NKD2: variants seen among roughly 807,000 people sequenced by gnomAD.
The protein encoded by NKD2 is NKD inhibitor of Wnt signaling pathway 2.
Under a neutral mutation model 34.8 loss-of-function variants are expected in NKD2, and 43 were observed. The ratio of observed to expected loss-of-function variants is 1.24; its 90% confidence interval spans 0.97 to 1.60. NKD2 has a LOEUF of 1.60. Ranked by LOEUF, NKD2 falls within the 40% of genes most tolerant of loss-of-function variation. The probability of loss-of-function intolerance (pLI) is 0.00; values close to 1 mark genes in which losing one functional copy is unlikely to be tolerated. For missense variants in NKD2, 675 were observed against 627.1 expected (o/e 1.08, Z -0.82); for synonymous variants, 278 against 265.1 (o/e 1.05, Z -0.47).
chr5:1,026,810 G>A (rs554113903), intron 3 of NKD2, among the ~76,000 whole-genome samples: 1 of 152,362 alleles, frequency 6.6e-6, no homozygotes, highest in East Asian at 1.9e-4. Context: ...CGTGGCCTTG[G>A]TCCTGCCCAG....
chr5:1,026,685 C>G (rs1445669048), intron 3 of NKD2, among the ~76,000 whole-genome samples: 1 of 152,248 alleles, frequency 6.6e-6, no homozygotes, highest in African/African-American at 2.4e-5. Flanking sequence ...CAGCTCCAGC[C>G]CGTGTGCCAT....
rs762643737 is a variant in NKD2 at position 1,033,437 on chromosome 5, G to A, written c.268G>A (p.Gly90Arg). ...HPGQLLSADD[G>R]ERAANREGPR... ...GGGACAACTCCTCAGCGCAGATGAC[G>A]GAGAGAGGGCAGCAAACCGCGAGGG... Residue 90 changes from glycine to arginine, a missense_variant, in exon 5 of 10, where the codon GGA (glycine) becomes AGA (arginine). Coordinates refer to ENST00000296849, the MANE Select transcript of NKD2 (RefSeq NM_033120.4). 1.2e-5 allele frequency: 19 copies of A among 1,579,230 alleles called. No homozygotes were observed. In the Middle Eastern group the frequency reaches 5.0e-4, roughly 41 times the overall value.
chr5:1,027,947 G>A (rs778346383), intron 3 of NKD2, among the ~76,000 whole-genome samples: 7 of 152,274 alleles, frequency 4.6e-5, no homozygotes, highest in Non-Finnish European at 7.3e-5. Context: ...CAGGGGTTCC[G>A]ACAGACGGGG....
chr5:1,009,480 G>T lies in NKD2; in HGVS notation c.62-1G>T. The T allele has an allele frequency of 6.7e-7, 1 of 1,498,480 alleles. No individual in the cohort carries two copies. Among genetic ancestry groups the T allele is most frequent in the Non-Finnish European group, 8.8e-7 (1 of 1,131,696 alleles). The allele number at this position is 1,498,480 out of a possible 1,614,324, so 92.8% of individuals were successfully genotyped here. ...CCCGCGCGTCCGCCCCCGGACCGCA[G>T]GGGACAGCTTCGTGGCGTCCGCGTA... On this transcript the variant is annotated splice_acceptor_variant, in intron 2 of 9. Coordinates refer to ENST00000296849, the MANE Select transcript of NKD2 (RefSeq NM_033120.4). LOFTEE classifies it high-confidence loss of function. The surrounding 1 kb of genome is among the most constrained non-coding windows in gnomAD (Gnocchi z 6.9).
rs762167655 is a variant in NKD2 at position 1,032,115 on chromosome 5, A to G, written c.142-37A>G. On this transcript the variant is annotated intron_variant, in intron 3 of 9. Transcript: ENST00000296849. ...GCCCATCTCCCCCGCCTGCCCACTG[A>G]GCTATGTGGCCACTGACTGCCCCGT... 19 of 1,576,754 alleles carry G rather than the reference A, an allele frequency of 1.2e-5. No homozygotes were observed. In the East Asian group the frequency reaches 3.8e-4, roughly 32 times the overall value.
intron 6 of NKD2, 34 bp from the exon 7 acceptor site, chr5:1,034,722 C>G: frequency 6.3e-7 from 1 of 1,598,040 alleles, no homozygotes; most frequent in Non-Finnish European, 8.6e-7. Context: ...CCCCTGGGGT[C>G]TGCTCTGTCA....
chr5:1,024,694 A>T (rs369362981), intron 3 of NKD2, among the ~76,000 whole-genome samples: 615 of 22,088 alleles, frequency 0.028, no homozygotes, highest in Non-Finnish European at 0.035. Context: ...GTCCCAGCCC[A>T]TTGTCCCTGC....
intron 3 of NKD2, among the ~76,000 whole-genome samples, chr5:1,011,303 G>T (rs1415175991): frequency 2.0e-5 from 3 of 152,202 alleles, no homozygotes; most frequent in East Asian, 1.9e-4. Context: ...GGGCCCAGGT[G>T]CGCCCTCACC....
At chr5:1,018,334 G>A (rs1006560299) in intron 3 of NKD2, among the ~76,000 whole-genome samples, 12 of 152,196 alleles carry the variant, frequency 7.9e-5, no homozygotes, top group South Asian at 2.1e-4. Flanking sequence ...CTCGGGCTCC[G>A]AGCCCCATCC....
rs189719382 is a variant in NKD2, at chr5:1,037,994, C to T, written c.977C>T (p.Pro326Leu). Residue 326 changes from proline (P) to leucine (L), a missense_variant, in exon 10 of 10, where the codon CCG becomes CTG. Pro to Leu is a moderately conservative substitution (Grantham distance 98, BLOSUM62 -3). Transcript: ENST00000296849. ...ALDTQPRPKG[P>L]EKQFLKSPKG... ...GACACGCAGCCCCGGCCGAAGGGGCCGGAGAAGCAGTTCCTCAAGTCCCCC... is the reference window on the plus strand; with the variant it reads ...GACACGCAGCCCCGGCCGAAGGGGCTGGAGAAGCAGTTCCTCAAGTCCCCC... 1.8e-4 allele frequency: 291 copies of T among 1,606,674 alleles called. 1 individual carries two copies. Among genetic ancestry groups the T allele is most frequent in the African/African-American group, 6.5e-4 (49 of 74,978 alleles).
In NKD2 at chr5:1,035,532, C is replaced by T. The variant is rs927820414; in HGVS notation, c.659+59C>T. 8.9e-6 allele frequency: 12 copies of T among 1,354,248 alleles called. No homozygotes were observed. The South Asian group carries it at 1.4e-4, about 16-fold the overall frequency. 83.9% of individuals were successfully genotyped at this position (1,354,248 alleles called of 1,614,324 possible). ...TTAGGCGGGGGCACCCTGGCCACAC[C>T]CCTGCTTCCCGCAGGCCACAGGCCA... On this transcript the variant is annotated intron_variant, in intron 8 of 9. Coordinates refer to ENST00000296849, the MANE Select transcript of NKD2 (RefSeq NM_033120.4).
At chr5:1,036,950 AGT>A (rs67132510) in intron 9 of NKD2, 182,229 of 409,284 alleles carry the variant, frequency 0.45, 40,130 homozygotes, top group East Asian at 0.55. Flanking sequence ...GCAGGCGGGC[AGT>A]GTGGACGGCG....
intron 3 of NKD2, among the ~76,000 whole-genome samples, chr5:1,026,670 A>C (rs909635123): frequency 9.9e-5 from 15 of 152,202 alleles, no homozygotes; most frequent in African/African-American, 3.4e-4. Context: ...TTTTCCTGAG[A>C]GGCCCAGCTC....
intron 3 of NKD2, among the ~76,000 whole-genome samples, chr5:1,025,984 A>C (rs1400467836): frequency 2.0e-5 from 2 of 98,294 alleles, no homozygotes; most frequent in African/African-American, 9.1e-5. Context: ...TGCTCTTCCC[A>C]CCCGCTAGTG....
Position 1,038,105 on chromosome 5 carries a change from C to A in NKD2, c.1088C>A (p.Pro363His). ...FSYYLPAVLP[P>H]QAPQDGHHLP... Reference sequence around the variant, plus strand: ...TACTACCTGCCGGCCGTCCTGCCGCCCCAGGCCCCTCAGGACGGCCACCAC... The same window carrying A: ...TACTACCTGCCGGCCGTCCTGCCGCACCAGGCCCCTCAGGACGGCCACCAC... The change falls in exon 10 of 10, where the codon CCC (proline) becomes CAC (histidine). Residue 363 changes from proline to histidine, a missense_variant. Physicochemically the swap from Pro to His is moderately conservative, Grantham distance 77. Transcript: ENST00000296849. The surrounding 1 kb of genome is among the most constrained non-coding windows in gnomAD (Gnocchi z 4.5). 5.6e-6 allele frequency: 9 copies of A among 1,602,456 alleles called. No individual in the cohort carries two copies. The highest frequency in any genetic ancestry group is 6.8e-6 in the Non-Finnish European group (8 of 1,176,452).
At chr5:1,016,143 G>C (rs539223999) in intron 3 of NKD2, among the ~76,000 whole-genome samples, 191 of 152,378 alleles carry the variant, frequency 1.3e-3, no homozygotes, top group Admixed American at 2.0e-3. Flanking sequence ...GGAGCTCGTG[G>C]TGCTGGCCTG....
chr5:1,026,531 TGTCCC>T (rs1756412528), intron 3 of NKD2, among the ~76,000 whole-genome samples: 1 of 34,392 alleles, frequency 2.9e-5, no homozygotes, highest in African/African-American at 8.6e-5. Flanking sequence ...CCGCTGTGGG[TGTCCC>T]AGCCCATTGT....
chr5:1,037,618 G>T (rs780523162), intron 9 of NKD2, 187 bp from the exon 10 acceptor site: 2 of 1,535,934 alleles, frequency 1.3e-6, no homozygotes, highest in South Asian at 2.4e-5. Context: ...GAGCCAGGCA[G>T]GTCACCCACA....
At position 1,026,234 on chromosome 5, in the gene NKD2, T is replaced by C. The variant is rs75441328; in HGVS notation, c.142-5918T>C. Among the ~76,000 whole-genome samples, 102 of 11,598 alleles carry C rather than the reference T, an allele frequency of 8.8e-3. 4 individuals carry two copies. Among genetic ancestry groups the C allele is most frequent in the Middle Eastern group, 0.1 (1 of 10 alleles). 7.6% of individuals were successfully genotyped at this position (11,598 alleles called of 152,430 possible). A position where few individuals can be genotyped will look rare whatever the true frequency, so the allele number is the denominator to read the frequency against. On this transcript the variant is annotated intron_variant, in intron 3 of 9. Coordinates refer to ENST00000296849, the MANE Select transcript of NKD2 (RefSeq NM_033120.4). ...GCCCATTGTCCCTGCTCTTCCCACCTGCTAGTGGGCGTCTCAGCCCATTGT... is the reference window on the plus strand; with the variant it reads ...GCCCATTGTCCCTGCTCTTCCCACCCGCTAGTGGGCGTCTCAGCCCATTGT...
Sources: gnomAD v4.1 joint callset for allele counts (sites outside exome capture counted in the v4.1 genomes callset) on GRCh38, gnomAD v4.1.1 for gene constraint, Gnocchi (gnomAD v3.1) non-coding constraint, MANE v1.5 for transcripts, NCBI Gene and HGNC (gene_info 2026-07-23, HGNC 2026-07-21) for gene names.